The following SLAMF9 variants were observed in gnomAD, a reference collection of about 807,000 sequenced individuals.
SLAMF9 encodes SLAM family member 9.
Under a neutral mutation model 30.4 loss-of-function variants are expected in SLAMF9, and 25 were observed. The ratio of observed to expected loss-of-function variants is 0.82; its 90% CI spans 0.60 to 1.15. The LOEUF (loss-of-function observed/expected upper bound fraction) is 1.15, where lower values mean the gene tolerates loss of function less well. Ranked by LOEUF, SLAMF9 falls within the 50% of genes most tolerant of loss-of-function variation. SLAMF9 has a pLI of 0.00. For missense variants in SLAMF9, 344 were observed against 346.1 expected (o/e 0.99, Z 0.05); for synonymous variants, 129 against 127.2 (o/e 1.01, Z -0.09).
upstream of SLAMF9, among the ~76,000 whole-genome samples, chr1:159,958,286 C>G (rs1264325341): frequency 6.6e-6 from 1 of 152,118 alleles, no homozygotes; most frequent in African/African-American, 2.4e-5. Context: ...ATGCTGATAG[C>G]CAGAAGGTAA....
At chr1:159,963,040 G>A in the SLAMF9 span, among the ~76,000 whole-genome samples, 32 of 152,268 alleles carry the variant, frequency 2.1e-4, no homozygotes, top group African/African-American at 7.7e-4. Context: ...ATGGTGGGTG[G>A]GCAGTGTCGA....
At chr1:159,968,304 C>G in the SLAMF9 span, among the ~76,000 whole-genome samples, 1 of 152,288 alleles carries the variant, frequency 6.6e-6, no homozygotes, top group African/African-American at 2.4e-5. Context: ...ACTGTTCACA[C>G]CACCCCATCT....
the SLAMF9 span, among the ~76,000 whole-genome samples, chr1:159,965,807 T>G: frequency 2.0e-5 from 3 of 152,234 alleles, no homozygotes; most frequent in African/African-American, 7.2e-5. Flanking sequence ...AAAATGTTTC[T>G]TTTTAAAAAG....
chr1:159,965,562 T>C, the SLAMF9 span: 1 of 152,182 alleles, frequency 6.6e-6, no homozygotes, highest in East Asian at 1.9e-4. Flanking sequence ...CAGACAGAAC[T>C]TGAATAGGCA....
the SLAMF9 span, among the ~76,000 whole-genome samples, chr1:159,981,763 C>G: frequency 6.6e-6 from 1 of 152,248 alleles, no homozygotes; most frequent in East Asian, 1.9e-4. Flanking sequence ...CAGCCAATGA[C>G]TGAGCACAGA....
the SLAMF9 span, chr1:159,983,865 A>G: frequency 6.6e-6 from 1 of 152,410 alleles, no homozygotes; most frequent in South Asian, 2.1e-4. Flanking sequence ...TCTCAGGGAA[A>G]GAGACCCACG....
the SLAMF9 span, among the ~76,000 whole-genome samples, chr1:159,959,381 A>G: frequency 6.6e-6 from 1 of 151,298 alleles, no homozygotes; most frequent in Non-Finnish European, 1.5e-5. Context: ...CTGGCCACAC[A>G]TCTCATCTCC....
chr1:159,963,918 G>C, the SLAMF9 span, among the ~76,000 whole-genome samples: 4 of 152,124 alleles, frequency 2.6e-5, no homozygotes. Context: ...AAATTAGCTG[G>C]GCAAGGTGGC....
chr1:159,971,686 C>T, the SLAMF9 span, among the ~76,000 whole-genome samples: 2 of 152,134 alleles, frequency 1.3e-5, no homozygotes, highest in Non-Finnish European at 2.9e-5. Context: ...GTTCTATCAC[C>T]TCATTTTATT....
chr1:159,951,868 T>G lies in SLAMF9; in HGVS notation c.665-2A>C, dbSNP rs1323515447. ...GCTTCTCAGAAGCATAGTTAGGATC[T>G]GGGGTGGAAGAAAGGAGGAAAGGGC... is the stretch of plus-strand genomic sequence containing the variant. On this transcript the variant is annotated splice_acceptor_variant, in intron 3 of 3. Transcript: ENST00000368093. LOFTEE classifies it high-confidence loss of function. 6.2e-7 allele frequency: 1 copy of G among 1,613,794 alleles called. No individual in the cohort carries two copies. The highest frequency in any genetic ancestry group is 8.5e-7 in the Non-Finnish European group (1 of 1,179,908).
chr1:159,959,965 AC>A, the SLAMF9 span, among the ~76,000 whole-genome samples: 3 of 152,028 alleles, frequency 2.0e-5, no homozygotes, highest in Non-Finnish European at 4.4e-5. Context: ...TGTAGCAGAC[AC>A]TTAGGGTTCC....
the SLAMF9 span, among the ~76,000 whole-genome samples, chr1:159,971,251 G>T: frequency 1.2e-4 from 19 of 152,292 alleles, no homozygotes; most frequent in Non-Finnish European, 2.5e-4. Flanking sequence ...CTCTTATCAG[G>T]CATGGCATTC....
chr1:159,953,714 G>A (rs1651853339), intron 1 of SLAMF9, 61 bp from the exon 2 acceptor site: 1 of 1,459,952 alleles, frequency 6.8e-7, no homozygotes, highest in Non-Finnish European at 9.3e-7. Context: ...GCTGAACCTG[G>A]CAGTGGAGCT....
At chr1:159,964,923 A>G in the SLAMF9 span, among the ~76,000 whole-genome samples, 4 of 152,206 alleles carry the variant, frequency 2.6e-5, no homozygotes, top group Non-Finnish European at 4.4e-5. Flanking sequence ...GCCCTGGGCC[A>G]CCCAGACGGG....
intron 2 of SLAMF9, among the ~76,000 whole-genome samples, chr1:159,952,986 G>A (rs774103953): frequency 1.3e-5 from 2 of 152,244 alleles, no homozygotes; most frequent in South Asian, 4.1e-4. Context: ...GAAATAAAAG[G>A]CTCAAGAATG....
the SLAMF9 span, chr1:159,973,235 G>A: frequency 1.9e-6 from 2 of 1,060,466 alleles, no homozygotes; most frequent in East Asian, 2.4e-5. Context: ...TTCCCTCTTA[G>A]GGCTCAGGAG....
Position 159,951,625 on chromosome 1 carries a change from G to A in SLAMF9, c.*36C>T, listed in dbSNP as rs779902020. ...GGAAGGATTCTCTGGGTGCTGGGAA[G>A]AAACCAAGCTCAGGACTGGGGTTCC... On this transcript the variant is annotated 3_prime_UTR_variant, in exon 4 of 4. Coordinates refer to ENST00000368093, the MANE Select transcript of SLAMF9 (RefSeq NM_033438.4). The A allele has an allele frequency of 1.1e-5, 18 of 1,600,902 alleles. No individual in the cohort carries two copies. The South Asian group carries it at 2.0e-4, about 18-fold the overall frequency.
Position 159,952,540 on chromosome 1 carries a change from T to G in SLAMF9, c.392-6A>C. On this transcript the variant is annotated splice_region_variant and splice_polypyrimidine_tract_variant and intron_variant, in intron 2 of 3. Transcript: ENST00000368093. The stretch of plus-strand genomic sequence containing the variant: ...CTGGGGCTCTGACAGCCATCCTGGA[T>G]GAAGGGGAAACACAAAGACCCTCTA... The G allele has an allele frequency of 6.2e-7, 1 of 1,612,908 alleles. No individual in the cohort carries two copies. The highest frequency in any genetic ancestry group is 1.1e-5 in the South Asian group (1 of 91,072).
the SLAMF9 span, among the ~76,000 whole-genome samples, chr1:159,979,754 G>A: frequency 6.6e-6 from 1 of 151,582 alleles, no homozygotes; most frequent in Non-Finnish European, 1.5e-5. Flanking sequence ...GCATAAAACA[G>A]TTCTGTCCCC....
Sources: allele counts gnomAD v4.1 joint callset (sites outside exome capture counted in the v4.1 genomes callset), GRCh38; gene constraint gnomAD v4.1.1; transcripts MANE v1.5; gene names NCBI Gene and HGNC (gene_info 2026-07-23, HGNC 2026-07-21).